The following TTC27 variants were observed in gnomAD, a reference collection of about 807,000 sequenced individuals.
TTC27 encodes the protein tetratricopeptide repeat protein 27.
In TTC27, 79 loss-of-function variants were observed where a neutral mutation model predicts 115.9. That is an observed-to-expected ratio of 0.68 (90% CI 0.57 to 0.82). The LOEUF is 0.82. Among genes scored for constraint, TTC27 ranks in the 40% least tolerant of loss-of-function variants. The pLI is 0.00. For missense variants in TTC27, 1,054 were observed against 993.1 expected (o/e 1.06, Z -0.82); for synonymous variants, 401 against 356.0 (o/e 1.13, Z -1.42).
Position 32,767,459 on chromosome 2 carries a change from T to TTTG in TTC27, c.1680+8942_1680+8943insGTT, listed in dbSNP as rs1553317318. Among the ~76,000 whole-genome samples, 6 of 141,108 alleles carry TTTG rather than the reference T, an allele frequency of 4.3e-5. No individual in the cohort carries two copies. In the South Asian group the frequency reaches 7.3e-4, roughly 17 times the overall value. The allele number at this position is 141,108 out of a possible 152,430, so 92.6% of individuals were successfully genotyped here. Reference sequence around the variant, plus strand: ...TATTTATAAGTTTTTTTTTGTTTTTTTTTTTTTTTTTGAGACAGAGTCTCG... The same window carrying TTTG: ...TATTTATAAGTTTTTTTTTGTTTTTTTTGTTTTTTTTTTTGAGACAGAGTCTCG... On this transcript the variant is annotated intron_variant, in intron 13 of 19. Transcript: ENST00000317907.
intron 10 of TTC27, among the ~76,000 whole-genome samples, chr2:32,720,106 CCT>C (rs1338555280): frequency 2.0e-5 from 3 of 152,118 alleles, no homozygotes; most frequent in Non-Finnish European, 4.4e-5. Flanking sequence ...TGCTGACTGG[CCT>C]CTCCCCATTC....
At chr2:32,774,012 C>T (rs557511675) in intron 13 of TTC27, among the ~76,000 whole-genome samples, 44 of 152,212 alleles carry the variant, frequency 2.9e-4, no homozygotes, top group African/African-American at 1.0e-3. Flanking sequence ...TCAAATTTCA[C>T]AAATTTGTGT....
chr2:32,814,071 A>T (rs1671403110), intron 18 of TTC27, among the ~76,000 whole-genome samples: 1 of 152,198 alleles, frequency 6.6e-6, no homozygotes, highest in African/African-American at 2.4e-5. Context: ...AATTAGCAGG[A>T]TGGGATTTAC....
At chr2:32,798,983 C>G (rs1472931074) in intron 16 of TTC27, among the ~76,000 whole-genome samples, 1 of 152,092 alleles carries the variant, frequency 6.6e-6, no homozygotes, top group Non-Finnish European at 1.5e-5. Flanking sequence ...CTGGAAGCAA[C>G]CCAAATTTCC....
chr2:32,790,766 A>G (rs966543061), intron 16 of TTC27, among the ~76,000 whole-genome samples: 1 of 148,634 alleles, frequency 6.7e-6, no homozygotes, highest in South Asian at 2.1e-4. Flanking sequence ...TCCTTTCTGT[A>G]TAGTTTGTTA....
At chr2:32,764,402 A>C (rs1669551649) in intron 13 of TTC27, among the ~76,000 whole-genome samples, 1 of 151,994 alleles carries the variant, frequency 6.6e-6, no homozygotes, top group Admixed American at 6.5e-5. Context: ...CTAAAAAAAA[A>C]CAAACAAAAA....
chr2:32,679,670 A>G (rs1666348133), intron 9 of TTC27, among the ~76,000 whole-genome samples: 2 of 152,190 alleles, frequency 1.3e-5, no homozygotes, highest in African/African-American at 4.8e-5. Context: ...GATAAGGCAA[A>G]ATAAAATACT....
chr2:32,777,837 A>T, intron 13 of TTC27, 45 bp from the exon 14 acceptor site: 2 of 1,579,362 alleles, frequency 1.3e-6, no homozygotes, highest in Non-Finnish European at 1.7e-6. Flanking sequence ...ACATTCTGTA[A>T]ATGTTTCTGT....
intron 8 of TTC27, among the ~76,000 whole-genome samples, chr2:32,676,367 C>G (rs1414064158): frequency 6.6e-6 from 1 of 151,506 alleles, no homozygotes; most frequent in East Asian, 1.9e-4. Flanking sequence ...TCTTTTCCAA[C>G]AATAAAAATC....
chr2:32,664,236 CTA>C, intron 5 of TTC27, 65 bp from the exon 6 acceptor site: 1 of 1,393,804 alleles, frequency 7.2e-7, no homozygotes, highest in African/African-American at 1.4e-5. Flanking sequence ...ATTATAGACT[CTA>C]TTTTACACAT....
At chr2:32,695,068 A>G (rs1666938825) in intron 9 of TTC27, among the ~76,000 whole-genome samples, 1 of 152,132 alleles carries the variant, frequency 6.6e-6, no homozygotes, top group African/African-American at 2.4e-5. Context: ...CATCTTAACC[A>G]TTTTTAAGGG....
chr2:32,789,747 C>A lies in TTC27; in HGVS notation c.1998+2598C>A, dbSNP rs539586245. Among the ~76,000 whole-genome samples the A allele has an allele frequency of 2.0e-5, 3 of 151,428 alleles. No homozygotes were observed. The East Asian group carries it at 5.8e-4, about 29-fold the overall frequency. On this transcript the variant is annotated intron_variant, in intron 16 of 19. Transcript: ENST00000317907. ...CCAGCCTGCACAACATTGCAAAACC[C>A]TTTCTCTACAAAAAAAATACAAAAA...
intron 13 of TTC27, among the ~76,000 whole-genome samples, chr2:32,763,561 A>G (rs562862245): frequency 1.3e-5 from 2 of 152,344 alleles, no homozygotes; most frequent in East Asian, 3.9e-4. Flanking sequence ...TTTAGATTTA[A>G]GCGCATTTTA....
intron 16 of TTC27, among the ~76,000 whole-genome samples, chr2:32,799,533 A>T (rs576141533): frequency 6.6e-6 from 1 of 152,222 alleles, no homozygotes; most frequent in African/African-American, 2.4e-5. Flanking sequence ...TTTTAATCTC[A>T]TAGAAAAATT....
At chr2:32,802,152 G>A (rs1341298161) in intron 16 of TTC27, among the ~76,000 whole-genome samples, 1 of 152,124 alleles carries the variant, frequency 6.6e-6, no homozygotes, top group Non-Finnish European at 1.5e-5. Flanking sequence ...ATTATCTTTG[G>A]AGTAGACTGT....
At chr2:32,797,941 T>C (rs1670766256) in intron 16 of TTC27, among the ~76,000 whole-genome samples, 1 of 151,616 alleles carries the variant, frequency 6.6e-6, no homozygotes, top group African/African-American at 2.4e-5. Context: ...ACAGCCCAAT[T>C]AAAAAATGTG....
chr2:32,681,146 A>G (rs781325106), intron 9 of TTC27, among the ~76,000 whole-genome samples: 16 of 152,188 alleles, frequency 1.1e-4, no homozygotes, highest in African/African-American at 2.7e-4. Flanking sequence ...TTTGATTACA[A>G]TGACTCACAG....
In TTC27 at chr2:32,817,431, T is replaced by C. The variant is rs1337250314; in HGVS notation, c.2309-26T>C. On this transcript the variant is annotated intron_variant, in intron 18 of 19. Transcript: ENST00000317907. ...ATTATTATTAACACTTTTTAATGGA[T>C]GTTTCTCTCCATACTTATCTTCCAG... is the stretch of plus-strand genomic sequence containing the variant. 2.5e-5 allele frequency: 39 copies of C among 1,576,880 alleles called. No individual in the cohort carries two copies. In the East Asian group the frequency reaches 3.1e-4, roughly 13 times the overall value.
At chr2:32,692,763 G>A (rs1401258319) in intron 9 of TTC27, among the ~76,000 whole-genome samples, 1 of 152,016 alleles carries the variant, frequency 6.6e-6, no homozygotes, top group Non-Finnish European at 1.5e-5. Flanking sequence ...CTTGAGGTCA[G>A]GAATTCAAGA....
Sources: allele counts gnomAD v4.1 joint callset (sites outside exome capture counted in the v4.1 genomes callset), GRCh38; gene constraint gnomAD v4.1.1; transcripts MANE v1.5; gene names NCBI Gene and HGNC (gene_info 2026-07-23, HGNC 2026-07-21).